The following WWC2 variants were observed in gnomAD, a reference collection of about 807,000 sequenced individuals.
WWC2 encodes the protein protein WWC2.
WWC2 carries 101 observed loss-of-function variants against 138.5 expected under a neutral mutation model. The ratio of observed to expected loss-of-function variants is 0.73; its 90% CI spans 0.62 to 0.86. The LOEUF is 0.86. Among genes scored for constraint, WWC2 ranks in the 40% least tolerant of loss-of-function variants. The probability of loss-of-function intolerance (pLI) is 0.00; values close to 1 mark genes in which losing one functional copy is unlikely to be tolerated. For synonymous variants in WWC2, 558 were observed against 538.4 expected (o/e 1.04, Z -0.50); for missense variants, 1,420 against 1,419.4 (o/e 1.00, Z -0.01).
chr4:183,141,330 C>T (rs531096336), intron 1 of WWC2, among the ~76,000 whole-genome samples: 8 of 152,190 alleles, frequency 5.3e-5, no homozygotes, highest in African/African-American at 7.2e-5. Context: ...AAGGGGAGAG[C>T]GTCAGTTCTC....
intron 8 of WWC2, among the ~76,000 whole-genome samples, chr4:183,252,119 G>A (rs1168803595): frequency 6.6e-6 from 1 of 152,132 alleles, no homozygotes; most frequent in Admixed American, 6.5e-5. Flanking sequence ...GAAACTTATG[G>A]CACAAAGGTA....
chr4:183,315,593 ACTGTTTTAATGGTC>A, intron 22 of WWC2, 56 bp from the exon 23 acceptor site: 2 of 1,243,008 alleles, frequency 1.6e-6, no homozygotes. Context: ...GGTCTTGGGG[ACTGTTTTAATGGTC>A]CCAGAGTATT....
intron 1 of WWC2, among the ~76,000 whole-genome samples, chr4:183,159,955 G>GAATGA (rs1006112292): frequency 1.3e-5 from 2 of 152,002 alleles, no homozygotes; most frequent in African/African-American, 4.8e-5. Context: ...GCAGGTATTG[G>GAATGA]AATGAAATAA....
Position 183,317,146 on chromosome 4 carries a change from G to A in WWC2, c.*1417G>A, listed in dbSNP as rs1739467241. The A allele has an allele frequency of 6.7e-6, 1 of 150,320 alleles. No homozygotes were observed. The highest frequency in any genetic ancestry group is 2.1e-4 in the South Asian group (1 of 4,758). 9.3% of individuals were successfully genotyped at this position (150,320 alleles called of 1,614,324 possible). Reference sequence around the variant, plus strand: ...AGATTTTTTAAAGAAATCCAAAATTGTCTTAAAGGAATGGACCCCTTGAAG... The same window carrying A: ...AGATTTTTTAAAGAAATCCAAAATTATCTTAAAGGAATGGACCCCTTGAAG... On this transcript the variant is annotated 3_prime_UTR_variant, in exon 23 of 23. Coordinates refer to ENST00000403733, the MANE Select transcript of WWC2 (RefSeq NM_024949.6).
intron 1 of WWC2, among the ~76,000 whole-genome samples, chr4:183,141,896 C>T (rs1579980621): frequency 1.3e-5 from 2 of 152,308 alleles, no homozygotes; most frequent in East Asian, 3.9e-4. Context: ...AATACTACAG[C>T]AAAAAGCTTA....
chr4:183,110,432 A>AT (rs545128013), intron 1 of WWC2, among the ~76,000 whole-genome samples: 8,633 of 117,330 alleles, frequency 0.074, 470 homozygotes, highest in African/African-American at 0.16. Context: ...CTGTAGAGCT[A>AT]TTTTTTTTTT....
Position 183,255,659 on chromosome 4 carries a change from A to C in WWC2, c.1196+1660A>C, listed in dbSNP as rs576477903. Reference sequence around the variant, plus strand: ...AGATTTGTTCTGGCAGAGAAAGAAGACATATTTGTTTGTCTTAGTTTTTAT... The same window carrying C: ...AGATTTGTTCTGGCAGAGAAAGAAGCCATATTTGTTTGTCTTAGTTTTTAT... On this transcript the variant is annotated intron_variant, in intron 9 of 22. Transcript: ENST00000403733. Among the ~76,000 whole-genome samples, 25 of 151,568 alleles carry C rather than the reference A, an allele frequency of 1.6e-4. 1 individual carries two copies. The highest frequency in any genetic ancestry group is 3.3e-4 in the Admixed American group (5 of 15,288).
At chr4:183,142,219 G>C (rs957866868) in intron 1 of WWC2, among the ~76,000 whole-genome samples, 3 of 152,164 alleles carry the variant, frequency 2.0e-5, no homozygotes, top group Admixed American at 6.5e-5. Context: ...ACACCCCCTG[G>C]TTCTGGGGTT....
At chr4:183,280,681 C>G (rs1249278734) in intron 16 of WWC2, 95 bp from the exon 17 acceptor site, 1 of 1,346,978 alleles carries the variant, frequency 7.4e-7, no homozygotes, top group Non-Finnish European at 1.0e-6. Context: ...GTTGAGTCGT[C>G]TTTACAGATA....
At chr4:183,101,127 C>T (rs1448999089) in intron 1 of WWC2, among the ~76,000 whole-genome samples, 1 of 152,222 alleles carries the variant, frequency 6.6e-6, no homozygotes, top group Non-Finnish European at 1.5e-5. Context: ...TTTCTGCTTT[C>T]TGATACTTGG....
chr4:183,299,474 G>T (rs777655247), intron 21 of WWC2, among the ~76,000 whole-genome samples: 1 of 152,156 alleles, frequency 6.6e-6, no homozygotes, highest in Admixed American at 6.5e-5. Context: ...AGTGCAGAGG[G>T]TTTTTATCGT....
chr4:183,132,364 A>G (rs1049872013), intron 1 of WWC2, among the ~76,000 whole-genome samples: 2 of 152,108 alleles, frequency 1.3e-5, no homozygotes, highest in African/African-American at 4.8e-5. Context: ...ACCCATTATC[A>G]GGTTAAGGAA....
At chr4:183,189,069 CTCCA>C (rs1734907866) in intron 1 of WWC2, among the ~76,000 whole-genome samples, 1 of 151,974 alleles carries the variant, frequency 6.6e-6, no homozygotes. Context: ...TTCTTGTTGC[CTCCA>C]TCCACTGTTT....
intron 1 of WWC2, among the ~76,000 whole-genome samples, chr4:183,177,815 T>C (rs1263232236): frequency 6.6e-6 from 1 of 152,188 alleles, no homozygotes; most frequent in African/African-American, 2.4e-5. Context: ...ATTTACCTTC[T>C]TAAAGCTTTT....
chr4:183,253,865 T>G lies in WWC2; in HGVS notation c.1062T>G (p.Leu354=). The G allele has an allele frequency of 6.2e-7, 1 of 1,613,704 alleles. No homozygotes were observed. The highest frequency in any genetic ancestry group is 8.5e-7 in the Non-Finnish European group (1 of 1,179,796). ...KLMLINEKEE[L]LKELQFVTPQ... is the part of the protein sequence containing the mutation. ...TGCTGATTAATGAAAAAGAAGAACT[T>G]TTGAAAGAGCTTCAGTTCGTCACCC... The change falls in exon 9 of 23, where the codon CTT becomes CTG. Residue 354 remains leucine, a synonymous_variant. Coordinates refer to ENST00000403733, the MANE Select transcript of WWC2 (RefSeq NM_024949.6).
At chr4:183,258,098 G>A (rs1737206509) in intron 9 of WWC2, among the ~76,000 whole-genome samples, 1 of 152,168 alleles carries the variant, frequency 6.6e-6, no homozygotes, top group Non-Finnish European at 1.5e-5. Flanking sequence ...ATTAGAAAAA[G>A]GCTTCATTTT....
At chr4:183,216,570 A>G (rs1735763085) in intron 4 of WWC2, among the ~76,000 whole-genome samples, 1 of 152,218 alleles carries the variant, frequency 6.6e-6, no homozygotes, top group South Asian at 2.1e-4. Flanking sequence ...AAATCTAGGA[A>G]ACAGCTGTTT....
chr4:183,141,874 C>T (rs1347097603), intron 1 of WWC2, among the ~76,000 whole-genome samples: 1 of 152,160 alleles, frequency 6.6e-6, no homozygotes, highest in Admixed American at 6.5e-5. Flanking sequence ...CTAGGCACTG[C>T]TTGTAGCCAT....
Position 183,261,172 on chromosome 4 carries a change from C to T in WWC2, c.1549C>T (p.Pro517Ser), listed in dbSNP as rs752532710. ...CGAGGTGGTCAAGTCCCCTAGCCAG[C>T]CTGGCCAGAGTGGACTCTGTGGAGT... ...ENEVVKSPSQ[P>S]GQSGLCGVAA... The change falls in exon 11 of 23, where the codon CCT becomes TCT. Residue 517 changes from proline (P) to serine (S), a missense_variant. Transcript: ENST00000403733. 2.5e-6 allele frequency: 4 copies of T among 1,613,806 alleles called. No individual in the cohort carries two copies. The highest frequency in any genetic ancestry group is 1.7e-6 in the Non-Finnish European group (2 of 1,179,808).
Sources: gnomAD v4.1 joint callset for allele counts (sites outside exome capture counted in the v4.1 genomes callset) on GRCh38, gnomAD v4.1.1 for gene constraint, MANE v1.5 for transcripts, NCBI Gene and HGNC (gene_info 2026-07-23, HGNC 2026-07-21) for gene names.